Variants in RGS7 observed in about 807,000 individuals in gnomAD.
RGS7 encodes regulator of G protein signaling 7, also known as regulator of G-protein signaling 7.
RGS7 carries 27 observed loss-of-function variants against 81.1 expected under a neutral mutation model. That is an observed-to-expected ratio of 0.33 (90% CI 0.25 to 0.46). The LOEUF (loss-of-function observed/expected upper bound fraction) is 0.46. Among genes scored for constraint, RGS7 ranks in the 20% least tolerant of loss-of-function variants. The pLI is 1.00. For missense variants in RGS7, 396 were observed against 607.4 expected (o/e 0.65, Z 3.66); for synonymous variants, 208 against 207.7 (o/e 1.00, Z -0.01).
chr1:240,870,241 T>C (rs1430992138), intron 6 of RGS7, 122 bp from the exon 7 acceptor site: 10 of 805,602 alleles, frequency 1.2e-5, no homozygotes, highest in African/African-American at 5.1e-5. Flanking sequence ...TTGATCATTT[T>C]CTTAGACAAA....
At chr1:241,260,978 C>G (rs868116547) in intron 2 of RGS7, among the ~76,000 whole-genome samples, 7 of 150,762 alleles carry the variant, frequency 4.6e-5, no homozygotes, top group Admixed American at 4.0e-4. Flanking sequence ...TGCTAGATGA[C>G]GAGTTAGTGG....
At chr1:240,997,692 C>T (rs910505821) in intron 3 of RGS7, among the ~76,000 whole-genome samples, 1 of 152,068 alleles carries the variant, frequency 6.6e-6, no homozygotes, top group African/African-American at 2.4e-5. Flanking sequence ...GAGAAGGGGG[C>T]ACATGCCTGT....
intron 3 of RGS7, among the ~76,000 whole-genome samples, chr1:241,080,487 C>T (rs979627572): frequency 2.0e-5 from 3 of 151,928 alleles, no homozygotes; most frequent in South Asian, 2.1e-4. Context: ...CTACCTAGGA[C>T]GTAAGAAAAT....
chr1:241,293,971 C>T (rs535548217), intron 2 of RGS7, among the ~76,000 whole-genome samples: 1 of 152,310 alleles, frequency 6.6e-6, no homozygotes, highest in East Asian at 1.9e-4. Context: ...AATCATTCTA[C>T]TATAAAGACA....
At chr1:241,227,746 T>TTACTCCTAGGTAA (rs60545154) in intron 2 of RGS7, among the ~76,000 whole-genome samples, 1 of 151,630 alleles carries the variant, frequency 6.6e-6, no homozygotes, top group East Asian at 2.0e-4. Flanking sequence ...AGACCTTGTG[T>TTACTCCTAGGTAA]CACCTCCAGA....
intron 2 of RGS7, among the ~76,000 whole-genome samples, chr1:241,337,651 A>G (rs1265315842): frequency 6.6e-6 from 1 of 152,166 alleles, no homozygotes; most frequent in East Asian, 1.9e-4. Flanking sequence ...TGCACACTTC[A>G]ATGCACAAAA....
intron 6 of RGS7, among the ~76,000 whole-genome samples, chr1:240,924,262 G>C (rs568142637): frequency 6.6e-6 from 1 of 152,212 alleles, no homozygotes; most frequent in East Asian, 1.9e-4. Flanking sequence ...AAGATGTATT[G>C]ATTCTCAACA....
chr1:241,116,681 T>C (rs2065905678), intron 2 of RGS7, among the ~76,000 whole-genome samples: 1 of 152,198 alleles, frequency 6.6e-6, no homozygotes, highest in Admixed American at 6.5e-5. Context: ...ATAATAATTG[T>C]ACATAGTCAT....
chr1:240,780,638 G>A (rs1021234118), intron 18 of RGS7, among the ~76,000 whole-genome samples: 4 of 151,864 alleles, frequency 2.6e-5, no homozygotes, highest in African/African-American at 4.8e-5. Context: ...AGAATGGGCC[G>A]GGCGCGGTGG....
intron 9 of RGS7, among the ~76,000 whole-genome samples, chr1:240,846,899 C>T (rs1452164660): frequency 6.6e-6 from 1 of 152,160 alleles, no homozygotes; most frequent in African/African-American, 2.4e-5. Flanking sequence ...AGTGAACCAT[C>T]AGCCCCTTCA....
At chr1:241,325,962 G>A (rs1008164103) in intron 2 of RGS7, among the ~76,000 whole-genome samples, 1 of 151,894 alleles carries the variant, frequency 6.6e-6, no homozygotes, top group Non-Finnish European at 1.5e-5. Flanking sequence ...CTACTCAAGA[G>A]GCTACCCTGT....
chr1:241,296,931 G>T (rs1399304102), intron 2 of RGS7, among the ~76,000 whole-genome samples: 2 of 151,432 alleles, frequency 1.3e-5, no homozygotes, highest in Non-Finnish European at 2.9e-5. Context: ...TTAATTAGCT[G>T]GGTTTTTTTT....
intron 2 of RGS7, among the ~76,000 whole-genome samples, chr1:241,194,677 A>G (rs1178066850): frequency 6.6e-6 from 1 of 152,206 alleles, no homozygotes; most frequent in Non-Finnish European, 1.5e-5. Flanking sequence ...CCTACTGAAA[A>G]TAACTATAAA....
chr1:240,964,196 T>C (rs2148484823), intron 4 of RGS7, among the ~76,000 whole-genome samples: 1 of 152,266 alleles, frequency 6.6e-6, no homozygotes, highest in South Asian at 2.1e-4. Flanking sequence ...TTGCTTTCTA[T>C]TTACCCTGAA....
rs148512706 is a variant in RGS7 at position 241,189,199 on chromosome 1, T to C, written c.79-90437A>G. On this transcript the variant is annotated intron_variant, in intron 2 of 18. Coordinates refer to ENST00000440928, the MANE Select transcript of RGS7 (RefSeq NM_001364886.1). ...AAGAGTCTCGCTACATTGCCCAGGCTGAACTATTTTTATTTTACTGTTCTG... is the reference window on the plus strand; with the variant it reads ...AAGAGTCTCGCTACATTGCCCAGGCCGAACTATTTTTATTTTACTGTTCTG... Among the ~76,000 whole-genome samples the C allele has an allele frequency of 4.7e-4, 71 of 152,326 alleles. 1 individual carries two copies. Among genetic ancestry groups the C allele is most frequent in the African/African-American group, 1.6e-3 (67 of 41,592 alleles).
chr1:241,033,470 GAT>G (rs1484847538), intron 3 of RGS7, among the ~76,000 whole-genome samples: 2 of 151,802 alleles, frequency 1.3e-5, no homozygotes, highest in African/African-American at 2.4e-5. Context: ...ATATAAAAAT[GAT>G]ATATTAAAAT....
At chr1:240,874,319 G>T (rs938454844) in intron 6 of RGS7, among the ~76,000 whole-genome samples, 1 of 152,182 alleles carries the variant, frequency 6.6e-6, no homozygotes, top group Non-Finnish European at 1.5e-5. Flanking sequence ...GAGAAGAAGT[G>T]TGAGTGGCTT....
chr1:241,082,999 C>T (rs2493006), intron 3 of RGS7, among the ~76,000 whole-genome samples: 3,871 of 152,052 alleles, frequency 0.025, 167 homozygotes, highest in African/African-American at 0.088. Context: ...CCAAGGCACA[C>T]GGGTCACTTG....
At chr1:240,808,983 G>A (rs181900903) in intron 14 of RGS7, among the ~76,000 whole-genome samples, 8 of 152,096 alleles carry the variant, frequency 5.3e-5, no homozygotes, top group Non-Finnish European at 1.0e-4. Context: ...GGATGATAAC[G>A]CCTATTTCAC....
Sources: allele counts gnomAD v4.1 joint callset (sites outside exome capture counted in the v4.1 genomes callset), GRCh38; gene constraint gnomAD v4.1.1; transcripts MANE v1.5; gene names NCBI Gene and HGNC (gene_info 2026-07-23, HGNC 2026-07-21).